UNC93B1: variants seen among roughly 807,000 people sequenced by gnomAD.
UNC93B1 encodes the protein protein unc-93 homolog B1.
In UNC93B1, 33 loss-of-function variants were observed where a neutral mutation model predicts 56.8. The ratio of observed to expected loss-of-function variants is 0.58; its 90% CI spans 0.44 to 0.78. UNC93B1 has a LOEUF of 0.78. Among genes scored for constraint, UNC93B1 ranks in the 30% least tolerant of loss-of-function variants. The pLI, the probability that UNC93B1 is intolerant of heterozygous loss-of-function variation, is 0.00. For missense variants in UNC93B1, 673 were observed against 819.5 expected (o/e 0.82, Z 2.18); for synonymous variants, 334 against 358.6 (o/e 0.93, Z 0.77).
chr11:67,993,443 A>G, intron 10 of UNC93B1, among the ~76,000 whole-genome samples: 1 of 152,234 alleles, frequency 6.6e-6, no homozygotes, highest in Non-Finnish European at 1.5e-5. Flanking sequence ...AGCCCACAGG[A>G]TGGCTGTGAT....
At chr11:68,000,899 A>G (rs533598618) in intron 3 of UNC93B1, among the ~76,000 whole-genome samples, 1 of 152,090 alleles carries the variant, frequency 6.6e-6, no homozygotes, top group Non-Finnish European at 1.5e-5. Context: ...TTGCGCTTAT[A>G]AAGTGCCCAG....
rs1856848543 is a variant in UNC93B1 at position 67,991,811 on chromosome 11, G to GAGAC, written c.1525_1528dup (p.Ser510CysfsTer209). ...CAGCTTCTGCTCCATCCGCAGGTAG[G>GAGAC]AGACCGCGGCCGCCACCAGCGTCAC... On this transcript the variant is annotated frameshift_variant, in exon 11 of 11. Transcript: ENST00000227471. LOFTEE classifies it high-confidence loss of function. 6.4e-7 allele frequency: 1 copy of GAGAC among 1,559,232 alleles called. No individual in the cohort carries two copies. Among genetic ancestry groups the GAGAC allele is most frequent in the East Asian group, 2.4e-5 (1 of 42,400 alleles).
At chr11:68,002,995 G>A in intron 3 of UNC93B1, 27 bp downstream of exon 3, 1 of 1,590,094 alleles carries the variant, frequency 6.3e-7, no homozygotes, top group African/African-American at 1.3e-5. Flanking sequence ...GAGTACCGCA[G>A]CATCCCACAG....
At chr11:68,002,942 G>T in intron 3 of UNC93B1, 80 bp downstream of exon 3, 1 of 1,474,544 alleles carries the variant, frequency 6.8e-7, no homozygotes, top group Non-Finnish European at 9.0e-7. Context: ...CCCGGCAGAT[G>T]GACACCTCCT....
chr11:68,000,309 C>T (rs1178852832), intron 3 of UNC93B1, among the ~76,000 whole-genome samples: 3 of 152,238 alleles, frequency 2.0e-5, no homozygotes, highest in African/African-American at 4.8e-5. Flanking sequence ...TGTATTTATG[C>T]TCCTTAAGTA....
At position 67,999,649 on chromosome 11, in the gene UNC93B1, C is replaced by T. The variant is rs190159924; in HGVS notation, c.424G>A (p.Ala142Thr). The T allele has an allele frequency of 7.3e-5, 117 of 1,611,846 alleles. No homozygotes were observed. The highest frequency in any genetic ancestry group is 1.5e-4 in the Admixed American group (9 of 59,816). Residue 142 changes from alanine (A) to threonine (T), a missense_variant, in exon 4 of 11, where the codon GCT (alanine) becomes ACT (threonine). Coordinates refer to ENST00000227471, the MANE Select transcript of UNC93B1 (RefSeq NM_030930.4). ...ACAAAGAGGGCGTAGATGCCCACAGCGAGGAACATCATCCACTTCGTTCCA... is the reference window on the plus strand; with the variant it reads ...ACAAAGAGGGCGTAGATGCCCACAGTGAGGAACATCATCCACTTCGTTCCA... Reference protein sequence around the residue: ...FFGTKWMMFLAVGIYALFVST... With the variant: ...FFGTKWMMFLTVGIYALFVST...
chr11:68,003,874 C>A lies in UNC93B1; in HGVS notation c.96+74G>T, dbSNP rs184624664. The A allele has an allele frequency of 0.011, 14,116 of 1,290,820 alleles. 362 individuals are homozygous for A. Among genetic ancestry groups the A allele is most frequent in the South Asian group, 0.076 (3,193 of 41,770 alleles). 80.0% of individuals were successfully genotyped at this position (1,290,820 alleles called of 1,614,324 possible). ...TCCCCCGGTGCCCGCCGCCCCCCGGCCCGCCCCGCCCCCGCCGGGGGGACC... is the reference window on the plus strand; with the variant it reads ...TCCCCCGGTGCCCGCCGCCCCCCGGACCGCCCCGCCCCCGCCGGGGGGACC... On this transcript the variant is annotated intron_variant, in intron 1 of 10. Coordinates refer to ENST00000227471, the MANE Select transcript of UNC93B1 (RefSeq NM_030930.4). This position sits in a 1 kb window ranked among gnomAD's most constrained non-coding sequence, Gnocchi z 4.4.
chr11:68,003,741 A>G lies in UNC93B1; in HGVS notation c.154T>C (p.Tyr52His). The change falls in exon 2 of 11, where the codon TAC becomes CAC. Residue 52 changes from tyrosine (Y) to histidine (H), a missense_variant. Transcript: ENST00000227471. This position sits in a 1 kb window ranked among gnomAD's most constrained non-coding sequence, Gnocchi z 4.4. ...ACGCCCAGGCGCTTGCGGCGGTAGT[A>G]GCGGCGCTCCTCCTCCTCCTCGTTG... ...NYNEEEEERR[Y>H]YRRKRLGVLK... The G allele has an allele frequency of 6.6e-7, 1 of 1,525,766 alleles. No individual in the cohort carries two copies. The highest frequency in any genetic ancestry group is 8.8e-7 in the Non-Finnish European group (1 of 1,142,454). 94.5% of individuals were successfully genotyped at this position (1,525,766 alleles called of 1,614,324 possible). A position where few individuals can be genotyped will look rare whatever the true frequency, so the allele number is the denominator to read the frequency against.
intron 5 of UNC93B1, 70 bp from the exon 6 acceptor site, chr11:67,998,522 G>A: frequency 6.6e-7 from 1 of 1,520,108 alleles, no homozygotes; most frequent in Non-Finnish European, 9.1e-7. Flanking sequence ...GCATGGTCTG[G>A]GGAGGGGTCC....
At chr11:68,001,327 A>G (rs1444169863) in intron 3 of UNC93B1, among the ~76,000 whole-genome samples, 1 of 152,256 alleles carries the variant, frequency 6.6e-6, no homozygotes, top group African/African-American at 2.4e-5. Context: ...TGGACCTAGT[A>G]AAGACATTGT....
Position 68,003,438 on chromosome 11 carries a change from ACCCCCGTC to A in UNC93B1, c.238+211_238+218del. 1 of 827,078 alleles carries A rather than the reference ACCCCCGTC, an allele frequency of 1.2e-6. No individual in the cohort carries two copies. The highest frequency in any genetic ancestry group is 1.8e-6 in the Non-Finnish European group (1 of 565,262). The allele number at this position is 827,078 out of a possible 1,614,324, so 51.2% of individuals were successfully genotyped here. A position where few individuals can be genotyped will look rare whatever the true frequency, so the allele number is the denominator to read the frequency against. ...GTGGCAGGTCTGTCCGGGAGCCCGG[ACCCCCGTC>A]CCCCACCCACACCGAGGCTCTGGCT... On this transcript the variant is annotated intron_variant, in intron 2 of 10. Transcript: ENST00000227471. This position sits in a 1 kb window ranked among gnomAD's most constrained non-coding sequence, Gnocchi z 4.4.
At position 68,003,460 on chromosome 11, in the gene UNC93B1, G is replaced by A. The variant is rs35162070; in HGVS notation, c.238+197C>T. ...CGGACCCCCGTCCCCCACCCACACC[G>A]AGGCTCTGGCTGGGACCCGGGGACG... On this transcript the variant is annotated intron_variant, in intron 2 of 10. Transcript: ENST00000227471. The surrounding 1 kb of genome is among the most constrained non-coding windows in gnomAD (Gnocchi z 4.4). 130,050 of 904,850 alleles carry A rather than the reference G, an allele frequency of 0.14. 10,848 individuals carry two copies. The highest frequency in any genetic ancestry group is 0.17 in the Non-Finnish European group (106,714 of 637,962). The allele number at this position is 904,850 out of a possible 1,614,324, so 56.1% of individuals were successfully genotyped here.
At chr11:67,993,013 T>G (rs1430171702) in intron 10 of UNC93B1, among the ~76,000 whole-genome samples, 1 of 151,786 alleles carries the variant, frequency 6.6e-6, no homozygotes, top group Non-Finnish European at 1.5e-5. Context: ...GAGACGGAGT[T>G]TCGCTCTTGT....
Position 68,003,869 on chromosome 11 carries a change from C to A in UNC93B1, c.97-71G>T. ...CCGTGTCCCCCGGTGCCCGCCGCCC[C>A]CCGGCCCGCCCCGCCCCCGCCGGGG... On this transcript the variant is annotated intron_variant, in intron 1 of 10. Coordinates refer to ENST00000227471, the MANE Select transcript of UNC93B1 (RefSeq NM_030930.4). This position sits in a 1 kb window ranked among gnomAD's most constrained non-coding sequence, Gnocchi z 4.4. 1.5e-6 allele frequency: 2 copies of A among 1,293,996 alleles called. No individual in the cohort carries two copies. The highest frequency in any genetic ancestry group is 1.9e-6 in the Non-Finnish European group (2 of 1,027,302). The allele number at this position is 1,293,996 out of a possible 1,614,324, so 80.2% of individuals were successfully genotyped here.
At chr11:68,000,357 G>A (rs1857025865) in intron 3 of UNC93B1, among the ~76,000 whole-genome samples, 1 of 152,202 alleles carries the variant, frequency 6.6e-6, no homozygotes, top group South Asian at 2.1e-4. Context: ...TGCTGGTGAG[G>A]ATGTGGTTTG....
Position 68,003,420 on chromosome 11 carries a change from G to A in UNC93B1, c.238+237C>T, listed in dbSNP as rs1353502813. On this transcript the variant is annotated intron_variant, in intron 2 of 10. Transcript: ENST00000227471. This position sits in a 1 kb window ranked among gnomAD's most constrained non-coding sequence, Gnocchi z 4.4. ...CGGCCTCCAATTCTGACGGTGGCAG[G>A]TCTGTCCGGGAGCCCGGACCCCCGT... 4.9e-6 allele frequency: 4 copies of A among 809,760 alleles called. No homozygotes were observed. Among genetic ancestry groups the A allele is most frequent in the Middle Eastern group, 3.8e-4 (1 of 2,658 alleles). The allele number at this position is 809,760 out of a possible 1,614,324, so 50.2% of individuals were successfully genotyped here.
intron 3 of UNC93B1, among the ~76,000 whole-genome samples, chr11:68,001,487 A>G (rs1857043753): frequency 6.6e-6 from 1 of 151,816 alleles, no homozygotes; most frequent in Non-Finnish European, 1.5e-5. Context: ...CATCGCTACA[A>G]ATACTTTAAA....
intron 5 of UNC93B1, among the ~76,000 whole-genome samples, chr11:67,998,764 G>A (rs1482380030): frequency 6.6e-6 from 1 of 152,156 alleles, no homozygotes; most frequent in Admixed American, 6.5e-5. Context: ...GGGTGTGGTA[G>A]CACACGCATA....
In UNC93B1 at chr11:68,003,959, GC is replaced by G; in HGVS notation, c.84del (p.Glu30ArgfsTer57). ...GDEDLLGVPDGPEAPLDELVG... is the reference protein window; with the variant it reads ...GDEDLLGVPDXPEAPLDELVG... ...GGGTCCCCGCTCACCGGGGCCTCGG[GC>G]CCGTCCGGGACCCCGAGCAGGTCCT... is the stretch of plus-strand genomic sequence containing the variant. On this transcript the variant is annotated frameshift_variant, in exon 1 of 11. Transcript: ENST00000227471. LOFTEE classifies it high-confidence loss of function. This position sits in a 1 kb window ranked among gnomAD's most constrained non-coding sequence, Gnocchi z 4.4. 1 of 1,392,984 alleles carries G rather than the reference GC, an allele frequency of 7.2e-7. No homozygotes were observed. The highest frequency in any genetic ancestry group is 9.3e-7 in the Non-Finnish European group (1 of 1,069,678). The allele number at this position is 1,392,984 out of a possible 1,614,324, so 86.3% of individuals were successfully genotyped here.
Sources: gnomAD v4.1 joint callset for allele counts (sites outside exome capture counted in the v4.1 genomes callset) on GRCh38, gnomAD v4.1.1 for gene constraint, Gnocchi (gnomAD v3.1) non-coding constraint, MANE v1.5 for transcripts, NCBI Gene and HGNC (gene_info 2026-07-23, HGNC 2026-07-21) for gene names.